The following CYP7B1 variants were observed in gnomAD, a reference collection of about 807,000 sequenced individuals.
The protein encoded by CYP7B1 is cytochrome P450 family 7 subfamily B member 1.
A neutral mutation model predicts 42.7 loss-of-function variants in CYP7B1; 29 were observed. That is an observed-to-expected ratio of 0.68 (90% CI 0.51 to 0.93). The LOEUF (loss-of-function observed/expected upper bound fraction) is 0.93, where lower values mean the gene tolerates loss of function less well. CYP7B1 is among the 40% of genes least tolerant of loss of function. CYP7B1 has a pLI of 0.00. For missense variants in CYP7B1, 655 were observed against 600.5 expected, an observed-to-expected ratio of 1.09 and a Z score of -0.95; for synonymous variants, 235 against 218.2, an observed-to-expected ratio of 1.08 and a Z score of -0.68.
At chr8:64,680,657 G>A (rs113207291) in intron 1 of CYP7B1, among the ~76,000 whole-genome samples, 2,007 of 152,250 alleles carry the variant, frequency 0.013, 23 homozygotes, top group Non-Finnish European at 0.02. Context: ...CCAGATACTT[G>A]AGGCAGAAAT....
intron 1 of CYP7B1, among the ~76,000 whole-genome samples, chr8:64,685,714 A>AC (rs1337922292): frequency 2.2e-5 from 1 of 45,886 alleles, no homozygotes; most frequent in African/African-American, 6.9e-5. Context: ...CCCGGCAGCC[A>AC]CCCCATCTGG....
chr8:64,777,969 T>G (rs1023113415), intron 1 of CYP7B1, among the ~76,000 whole-genome samples: 3 of 151,814 alleles, frequency 2.0e-5, no homozygotes, highest in African/African-American at 7.2e-5. Flanking sequence ...TTAAAATATG[T>G]CTTCTTTTTA....
rs556989546 is a variant in CYP7B1 at position 64,645,273 on chromosome 8, C to G, written c.123-20734G>C. On this transcript the variant is annotated intron_variant, in intron 1 of 5. Transcript: ENST00000310193. ...TGATTTATAGTCCTTTGGGTATATACCCAGTAATGGGATGGCTGGGTCAAA... is the reference window on the plus strand; with the variant it reads ...TGATTTATAGTCCTTTGGGTATATAGCCAGTAATGGGATGGCTGGGTCAAA... 1.6e-4 allele frequency among the ~76,000 whole-genome samples: 25 copies of G among 151,892 alleles called. No individual in the cohort carries two copies. In the East Asian group the frequency reaches 4.6e-3, roughly 28 times the overall value.
At chr8:64,728,511 A>T (rs550242151) in intron 1 of CYP7B1, among the ~76,000 whole-genome samples, 3 of 152,348 alleles carry the variant, frequency 2.0e-5, no homozygotes, top group East Asian at 3.9e-4. Context: ...CAGTTACACC[A>T]ACCATAATTG....
intron 1 of CYP7B1, among the ~76,000 whole-genome samples, chr8:64,774,763 T>C (rs1804295104): frequency 6.6e-6 from 1 of 152,206 alleles, no homozygotes; most frequent in Non-Finnish European, 1.5e-5. Context: ...TACTGAATAG[T>C]GCATATCTGC....
chr8:64,606,108 C>G (rs1325140315), intron 4 of CYP7B1, among the ~76,000 whole-genome samples: 1 of 152,178 alleles, frequency 6.6e-6, no homozygotes, highest in East Asian at 1.9e-4. Flanking sequence ...CTGCGGTCAG[C>G]TTTGTGTGGC....
chr8:64,759,131 AC>A (rs1313207616), intron 1 of CYP7B1, among the ~76,000 whole-genome samples: 2 of 152,214 alleles, frequency 1.3e-5, no homozygotes, highest in East Asian at 3.8e-4. Context: ...TGATTGAGGA[AC>A]TAGCTATAGA....
chr8:64,760,065 T>G (rs896892358), intron 1 of CYP7B1, among the ~76,000 whole-genome samples: 1 of 152,036 alleles, frequency 6.6e-6, no homozygotes, highest in African/African-American at 2.4e-5. Flanking sequence ...CACAGGCCAA[T>G]AGAATAAAAA....
At chr8:64,753,297 A>AT (rs1259787632) in intron 1 of CYP7B1, among the ~76,000 whole-genome samples, 2 of 152,226 alleles carry the variant, frequency 1.3e-5, no homozygotes, top group Non-Finnish European at 2.9e-5. Context: ...TTTCCAATTT[A>AT]TTGATAGCAT....
intron 1 of CYP7B1, among the ~76,000 whole-genome samples, chr8:64,733,424 T>A (rs1807442713): frequency 6.6e-6 from 1 of 152,182 alleles, no homozygotes; most frequent in South Asian, 2.1e-4. Flanking sequence ...ACCCACCATC[T>A]GAGGACCAAC....
intron 1 of CYP7B1, among the ~76,000 whole-genome samples, chr8:64,793,615 C>A (rs1804657651): frequency 6.6e-6 from 1 of 152,016 alleles, no homozygotes. Flanking sequence ...CGTAACACAT[C>A]CAGTTCTAAG....
At chr8:64,701,649 C>T (rs923558797) in intron 1 of CYP7B1, among the ~76,000 whole-genome samples, 5 of 151,866 alleles carry the variant, frequency 3.3e-5, no homozygotes, top group Admixed American at 2.6e-4. Context: ...CTCTATTTGA[C>T]GATAATGTTA....
At chr8:64,597,537 A>C (rs2129629771) in intron 5 of CYP7B1, among the ~76,000 whole-genome samples, 1 of 152,356 alleles carries the variant, frequency 6.6e-6, no homozygotes, top group South Asian at 2.1e-4. Context: ...TTGATGTTGT[A>C]GTTAATTTCT....
rs2129629693 is a variant in CYP7B1 at position 64,594,978 on chromosome 8, A to G, written c.*1664T>C. Among the ~76,000 whole-genome samples, 1 of 152,358 alleles carries G rather than the reference A, an allele frequency of 6.6e-6. No individual in the cohort carries two copies. Among genetic ancestry groups the G allele is most frequent in the Admixed American group, 6.5e-5 (1 of 15,306 alleles). On this transcript the variant is annotated 3_prime_UTR_variant, in exon 6 of 6. Transcript: ENST00000310193. ...GAAACAGAAAGAAACTAAGAACATC[A>G]AAGACAAAGAGGACACGTTAAAGTA...
chr8:64,646,360 AC>A (rs1468017419), intron 1 of CYP7B1, among the ~76,000 whole-genome samples: 1 of 152,024 alleles, frequency 6.6e-6, no homozygotes, highest in Non-Finnish European at 1.5e-5. Flanking sequence ...CAAGAAAAAA[AC>A]AAACAACCCC....
At chr8:64,608,076 C>G (rs1203630301) in intron 4 of CYP7B1, among the ~76,000 whole-genome samples, 1 of 152,194 alleles carries the variant, frequency 6.6e-6, no homozygotes, top group East Asian at 1.9e-4. Flanking sequence ...CATTCTTCAC[C>G]TGGCTAGGGA....
intron 1 of CYP7B1, among the ~76,000 whole-genome samples, chr8:64,736,864 T>G (rs1807496506): frequency 6.6e-6 from 1 of 152,206 alleles, no homozygotes; most frequent in South Asian, 2.1e-4. Context: ...GTCTACTGTC[T>G]ATAACAGATA....
At chr8:64,778,620 G>T (rs894838283) in intron 1 of CYP7B1, among the ~76,000 whole-genome samples, 2 of 152,068 alleles carry the variant, frequency 1.3e-5, no homozygotes, top group Non-Finnish European at 2.9e-5. Flanking sequence ...ACACTAAACT[G>T]TCTATAATTA....
chr8:64,615,705 T>A lies in CYP7B1; in HGVS notation c.836A>T (p.Asp279Val). 6.2e-7 allele frequency: 1 copy of A among 1,613,578 alleles called. No homozygotes were observed. Among genetic ancestry groups the A allele is most frequent in the Non-Finnish European group, 8.5e-7 (1 of 1,179,628 alleles). ...DVLEKYYVHE[D>V]LEIGAHHLGF... ...GAAGTTCTTACCTCCTATTTCAAGG[T>A]CCTCGTGCACATAATATTTCTCCAG... is the stretch of plus-strand genomic sequence containing the variant. The change falls in exon 3 of 6, where the codon GAC becomes GTC. Residue 279 changes from aspartate (D) to valine (V), a missense_variant. Transcript: ENST00000310193.
Sources: allele counts gnomAD v4.1 joint callset (sites outside exome capture counted in the v4.1 genomes callset), GRCh38; gene constraint gnomAD v4.1.1; transcripts MANE v1.5; gene names NCBI Gene and HGNC (gene_info 2026-07-23, HGNC 2026-07-21).